PNMA6E: variants seen among roughly 807,000 people sequenced by gnomAD.
The protein encoded by PNMA6E is PNMA family member 6E.
For missense variants in PNMA6E, 78 were observed against 50.8 expected, an observed-to-expected ratio of 1.53 and a Z score of -1.63; for synonymous variants, 43 against 17.1, an observed-to-expected ratio of 2.52 and a Z score of -3.74.
the PNMA6E span, among the ~76,000 whole-genome samples, chrX:153,407,264 C>T: frequency 2.7e-5 from 3 of 112,049 alleles, no homozygotes; most frequent in Non-Finnish European, 5.6e-5. Context: ...GCTCCTTACC[C>T]TTGGTGACCC....
chrX:153,406,715 A>T, the PNMA6E span, among the ~76,000 whole-genome samples: 2 of 112,761 alleles, frequency 1.8e-5, no homozygotes, highest in South Asian at 7.3e-4. Context: ...AGTGACACGA[A>T]CTCATTGCAT....
In PNMA6E at chrX:153,396,042, T is replaced by C. The variant is rs1295426816; in HGVS notation, c.*864A>G. On this transcript the variant is annotated 3_prime_UTR_variant, in exon 2 of 2. Coordinates refer to ENST00000445091, the MANE Select transcript of PNMA6E (RefSeq NM_001367770.1). ...AACGCCAAAGCATAGTTCTTGTGGA[T>C]CCTCACGCAGCCCCGCTGTGCCCCG... 1 of 116,908 alleles carries C rather than the reference T, an allele frequency of 8.6e-6. No individual in the cohort carries two copies. The highest frequency in any genetic ancestry group is 1.9e-5 in the Non-Finnish European group (1 of 53,280). The allele number at this position is 116,908 out of a possible 1,213,427, so 9.6% of individuals were successfully genotyped here.
chrX:153,408,804 C>T, the PNMA6E span, among the ~76,000 whole-genome samples: 13 of 112,600 alleles, frequency 1.2e-4, no homozygotes, highest in Non-Finnish European at 2.1e-4. Flanking sequence ...GCTCTGCATG[C>T]AGCCCAAGAC....
chrX:153,404,153 T>C (rs1301631517), upstream of PNMA6E: 1 of 106,685 alleles, frequency 9.4e-6, no homozygotes, highest in Non-Finnish European at 1.9e-5. Context: ...AAATTTTTTG[T>C]ATGTTTTGTA....
chrX:153,403,903 C>G (rs1556971761), upstream of PNMA6E: 1 of 106,856 alleles, frequency 9.4e-6, no homozygotes, highest in Non-Finnish European at 1.9e-5. Context: ...ATGATCACAC[C>G]ACTGCACTCC....
At chrX:153,405,250 T>C (rs782618885), upstream of PNMA6E, among the ~76,000 whole-genome samples, 2 of 112,412 alleles carry the variant, frequency 1.8e-5, no homozygotes, top group Non-Finnish European at 3.8e-5. Flanking sequence ...TCAAGTGTTG[T>C]CGCCTCTCCA....
the PNMA6E span, among the ~76,000 whole-genome samples, chrX:153,412,375 G>A: frequency 9.8e-5 from 11 of 112,669 alleles, no homozygotes; most frequent in African/African-American, 3.5e-4. Context: ...TACCTCCTGA[G>A]CAAGCATTTG....
chrX:153,400,345 G>T (rs1260985424), intron 1 of PNMA6E, among the ~76,000 whole-genome samples: 1 of 112,480 alleles, frequency 8.9e-6, no homozygotes, highest in Non-Finnish European at 1.9e-5. Flanking sequence ...CTCCGGCTCC[G>T]CACCCCGTGC....
Position 153,396,697 on chromosome X carries a change from C to CG in PNMA6E, c.*208dup, listed in dbSNP as rs1270780849. 3.4e-5 allele frequency: 9 copies of CG among 263,849 alleles called. No individual in the cohort carries two copies. Among genetic ancestry groups the CG allele is most frequent in the Middle Eastern group, 1.0e-3 (1 of 992 alleles). The allele number at this position is 263,849 out of a possible 1,213,427, so 21.7% of individuals were successfully genotyped here. A position where few individuals can be genotyped will look rare whatever the true frequency, so the allele number is the denominator to read the frequency against. On this transcript the variant is annotated 3_prime_UTR_variant, in exon 2 of 2. Transcript: ENST00000445091. ...GCTGGGTGTGCTGGGTGCAAGGGAG[C>CG]GGGGGGGCGCCTCTCCCCACCCCAT...
At chrX:153,411,480 CCGGCCCGCTCGT>C in the PNMA6E span, among the ~76,000 whole-genome samples, 1 of 112,252 alleles carries the variant, frequency 8.9e-6, no homozygotes, top group African/African-American at 3.2e-5. Context: ...CCGCCCGCTC[CCGGCCCGCTCGT>C]CGGCGCACCA....
upstream of PNMA6E, among the ~76,000 whole-genome samples, chrX:153,401,587 G>T: frequency 8.9e-6 from 1 of 112,099 alleles, no homozygotes; most frequent in Non-Finnish European, 1.9e-5. Context: ...CAGGCACACC[G>T]ATTGACCCTC....
Position 153,397,768 on chromosome X carries a change from C to G in PNMA6E, c.1082G>C (p.Arg361Thr). Residue 361 changes from arginine (R) to threonine (T), a missense_variant, in exon 2 of 2, where the codon AGG becomes ACG. Arg to Thr is a moderately conservative substitution (Grantham distance 71). Transcript: ENST00000445091. ...GCCGCCCAAGCTCTCCAGCAGCCAC[C>G]TCTTCTTCTCCCTTTCCGACGCATG... ...WCHASEREKK[R>T]WLLESLGGPA... 3.2e-6 allele frequency: 1 copy of G among 309,287 alleles called. No individual in the cohort carries two copies. Among genetic ancestry groups the G allele is most frequent in the Non-Finnish European group, 5.6e-6 (1 of 177,381 alleles). 25.5% of individuals were successfully genotyped at this position (309,287 alleles called of 1,213,427 possible).
At chrX:153,412,326 T>C in the PNMA6E span, among the ~76,000 whole-genome samples, 2 of 112,208 alleles carry the variant, frequency 1.8e-5, no homozygotes, top group African/African-American at 6.5e-5. Context: ...ACCCAGCGCT[T>C]CCCTACAGGG....
chrX:153,402,208 T>A (rs2124275393), upstream of PNMA6E, among the ~76,000 whole-genome samples: 1 of 112,207 alleles, frequency 8.9e-6, no homozygotes, highest in Admixed American at 9.4e-5. Context: ...CTTTATTCTG[T>A]CAACTTTTGT....
chrX:153,401,870 G>A (rs1449871695), upstream of PNMA6E, among the ~76,000 whole-genome samples: 1 of 69,453 alleles, frequency 1.4e-5, no homozygotes, highest in East Asian at 5.6e-4. Context: ...TCGCTCTGTT[G>A]CCAGGCTGCA....
chrX:153,411,620 T>C, the PNMA6E span, among the ~76,000 whole-genome samples: 3 of 112,443 alleles, frequency 2.7e-5, no homozygotes, highest in Non-Finnish European at 5.7e-5. Flanking sequence ...TCGGAGGGCT[T>C]CTAGGAGGAG....
Position 153,398,504 on chromosome X carries a change from C to A in PNMA6E, c.346G>T (p.Ala116Ser). ...PSFPAQPQGQAVAKAAGEGGG... is the reference protein window; with the variant it reads ...PSFPAQPQGQSVAKAAGEGGG... Reference sequence around the variant, plus strand: ...CCCTCACCTGCAGCTTTTGCTACTGCTTGACCCTGGGGCTGTGCAGGAAAA... The same window carrying A: ...CCCTCACCTGCAGCTTTTGCTACTGATTGACCCTGGGGCTGTGCAGGAAAA... The change falls in exon 2 of 2, where the codon GCA (alanine) becomes TCA (serine). Residue 116 changes from alanine (A) to serine (S), a missense_variant. Coordinates refer to ENST00000445091, the MANE Select transcript of PNMA6E (RefSeq NM_001367770.1). 2.4e-6 allele frequency: 1 copy of A among 411,169 alleles called. No homozygotes were observed. The allele number at this position is 411,169 out of a possible 1,213,427, so 33.9% of individuals were successfully genotyped here.
At chrX:153,409,014 G>A in the PNMA6E span, among the ~76,000 whole-genome samples, 2 of 113,048 alleles carry the variant, frequency 1.8e-5, no homozygotes, top group Non-Finnish European at 1.9e-5. Flanking sequence ...CTGGGCACCT[G>A]CTGTGGCTTG....
the PNMA6E span, among the ~76,000 whole-genome samples, chrX:153,411,751 G>A: frequency 8.9e-6 from 1 of 112,687 alleles, no homozygotes; most frequent in Non-Finnish European, 1.9e-5. Context: ...GCGGGTAAGG[G>A]GCCCGTCTCG....
Sources: gnomAD v4.1 joint callset for allele counts (sites outside exome capture counted in the v4.1 genomes callset) on GRCh38, gnomAD v4.1.1 for gene constraint, MANE v1.5 for transcripts, NCBI Gene and HGNC (gene_info 2026-07-23, HGNC 2026-07-21) for gene names.